The following MSI2 variants were observed in gnomAD, a reference collection of about 807,000 sequenced individuals.
The protein encoded by MSI2 is RNA-binding protein Musashi homolog 2.
Under a neutral mutation model 45.6 loss-of-function variants are expected in MSI2, and 17 were observed. The ratio of observed to expected loss-of-function variants is 0.37; its 90% confidence interval spans 0.26 to 0.56. The LOEUF (loss-of-function observed/expected upper bound fraction) is 0.56. Ranked by LOEUF, MSI2 falls within the 20% of genes least tolerant of loss-of-function variation. The probability of loss-of-function intolerance (pLI) is 0.77; values close to 1 mark genes in which losing one functional copy is unlikely to be tolerated. For missense variants in MSI2, 293 were observed against 444.2 expected, an observed-to-expected ratio of 0.66 and a Z score of 3.06; for synonymous variants, 156 against 158.2, an observed-to-expected ratio of 0.99 and a Z score of 0.11.
At chr17:57,315,450 G>T (rs1912781012) in intron 5 of MSI2, among the ~76,000 whole-genome samples, 1 of 152,096 alleles carries the variant, frequency 6.6e-6, no homozygotes, top group Admixed American at 6.5e-5. Context: ...CTGTGTTGGG[G>T]GAGGCAGGGC....
chr17:57,694,676 A>G, the MSI2 span, among the ~76,000 whole-genome samples: 1 of 152,186 alleles, frequency 6.6e-6, no homozygotes, highest in Non-Finnish European at 1.5e-5. Flanking sequence ...CCTATCACAG[A>G]TCTGTACATC....
intron 6 of MSI2, among the ~76,000 whole-genome samples, chr17:57,502,636 T>TAGAGAGAGAGAGAG (rs1439981218): frequency 8.3e-5 from 8 of 96,898 alleles, no homozygotes; most frequent in Non-Finnish European, 1.5e-4. Context: ...TATATATATA[T>TAGAGAGAGAGAGAG]AGTCATCATT....
intron 6 of MSI2, among the ~76,000 whole-genome samples, chr17:57,409,027 C>T (rs1436514227): frequency 6.6e-6 from 1 of 152,080 alleles, no homozygotes; most frequent in Admixed American, 6.6e-5. Context: ...AAGTTACCAC[C>T]CTCTAAATTT....
chr17:57,318,276 G>A (rs138731410), intron 5 of MSI2, among the ~76,000 whole-genome samples: 235 of 152,218 alleles, frequency 1.5e-3, no homozygotes, highest in African/African-American at 5.4e-3. Context: ...TGGGAGACCC[G>A]GGGAGGTTTT....
chr17:57,694,856 A>G, the MSI2 span, among the ~76,000 whole-genome samples: 3 of 152,236 alleles, frequency 2.0e-5, no homozygotes, highest in Non-Finnish European at 4.4e-5. Context: ...GTCCTAACCA[A>G]TGTGTACATC....
intron 8 of MSI2, among the ~76,000 whole-genome samples, chr17:57,599,101 G>C (rs772775659): frequency 5.9e-5 from 9 of 152,248 alleles, no homozygotes; most frequent in Non-Finnish European, 1.0e-4. Context: ...GAATAGAAGA[G>C]AGTACTGGCA....
chr17:57,333,694 C>T (rs936017008), intron 5 of MSI2, among the ~76,000 whole-genome samples: 4 of 151,910 alleles, frequency 2.6e-5, no homozygotes, highest in East Asian at 1.9e-4. Flanking sequence ...TGCTGGCCTC[C>T]GCCTCCCAAA....
At chr17:57,502,607 A>ATATATT (rs2086134175) in intron 6 of MSI2, among the ~76,000 whole-genome samples, 1 of 87,656 alleles carries the variant, frequency 1.1e-5, no homozygotes, top group South Asian at 4.3e-4. Flanking sequence ...TCTGAGATAT[A>ATATATT]TATATATATA....
At chr17:57,482,883 T>C (rs1186922902) in intron 6 of MSI2, among the ~76,000 whole-genome samples, 1 of 152,200 alleles carries the variant, frequency 6.6e-6, no homozygotes, top group Non-Finnish European at 1.5e-5. Context: ...GACAGCTTGA[T>C]AGATGGAGTG....
chr17:57,618,501 G>A (rs1168797012), intron 9 of MSI2: 1 of 152,280 alleles, frequency 6.6e-6, no homozygotes, highest in Non-Finnish European at 1.5e-5. Context: ...CCTGAGCCCA[G>A]GAATTCAAGA....
At chr17:57,301,335 G>C (rs1217952046) in intron 5 of MSI2, among the ~76,000 whole-genome samples, 1 of 152,242 alleles carries the variant, frequency 6.6e-6, no homozygotes, top group Non-Finnish European at 1.5e-5. Flanking sequence ...GAAGGACAGT[G>C]ATGGTGCTGA....
At chr17:57,321,087 C>T (rs753231634) in intron 5 of MSI2, among the ~76,000 whole-genome samples, 5 of 151,002 alleles carry the variant, frequency 3.3e-5, no homozygotes, top group Admixed American at 6.6e-5. Flanking sequence ...CTATAATTGG[C>T]GGTGGGGGGG....
At chr17:57,418,064 ACT>A (rs955794155) in intron 6 of MSI2, among the ~76,000 whole-genome samples, 8 of 151,818 alleles carry the variant, frequency 5.3e-5, no homozygotes, top group East Asian at 1.9e-4. Flanking sequence ...AATATTTTAG[ACT>A]CTGTGGGCCA....
intron 6 of MSI2, among the ~76,000 whole-genome samples, chr17:57,441,250 C>T (rs1028258424): frequency 4.6e-5 from 7 of 152,192 alleles, no homozygotes; most frequent in African/African-American, 1.4e-4. Context: ...CTCCAAGGCC[C>T]AGGGCTGACT....
At chr17:57,637,214 C>T (rs1909903538) in intron 10 of MSI2, among the ~76,000 whole-genome samples, 1 of 152,186 alleles carries the variant, frequency 6.6e-6, no homozygotes, top group South Asian at 2.1e-4. Context: ...ATATTAAAGG[C>T]AAGCTTAGAC....
intron 5 of MSI2, among the ~76,000 whole-genome samples, chr17:57,273,835 C>A (rs1908620429): frequency 6.6e-6 from 1 of 152,190 alleles, no homozygotes; most frequent in South Asian, 2.1e-4. Context: ...TGAGGATGAT[C>A]AGACCCCCTG....
chr17:57,656,366 A>G (rs1175516805), intron 11 of MSI2, among the ~76,000 whole-genome samples: 1 of 152,188 alleles, frequency 6.6e-6, no homozygotes, highest in Non-Finnish European at 1.5e-5. Flanking sequence ...TGTCTTTCTC[A>G]TACTATTCTT....
At chr17:57,514,909 A>G (rs948773854) in intron 6 of MSI2, among the ~76,000 whole-genome samples, 2 of 152,104 alleles carry the variant, frequency 1.3e-5, no homozygotes, top group Non-Finnish European at 2.9e-5. Context: ...CACCATGGGT[A>G]CCCCACCCCA....
chr17:57,563,737 C>G (rs1175107672), intron 7 of MSI2, among the ~76,000 whole-genome samples: 1 of 140,914 alleles, frequency 7.1e-6, no homozygotes, highest in East Asian at 2.1e-4. Flanking sequence ...CTCACACACA[C>G]ACAGGCGCGC....
Sources: gnomAD v4.1 joint callset for allele counts (sites outside exome capture counted in the v4.1 genomes callset) on GRCh38, gnomAD v4.1.1 for gene constraint, MANE v1.5 for transcripts, NCBI Gene and HGNC (gene_info 2026-07-23, HGNC 2026-07-21) for gene names.